Variants in CCDC181 observed in about 807,000 individuals in gnomAD.
CCDC181 encodes the protein coiled-coil domain containing 181.
Under a neutral mutation model 58.7 loss-of-function variants are expected in CCDC181, and 35 were observed. The ratio of observed to expected loss-of-function variants is 0.60; its 90% CI spans 0.46 to 0.79. The LOEUF is 0.79. CCDC181 is among the 30% of genes least tolerant of loss of function. The pLI, the probability that CCDC181 is intolerant of heterozygous loss-of-function variation, is 0.00. For synonymous variants in CCDC181, 183 were observed against 197.5 expected (o/e 0.93, Z 0.62); for missense variants, 517 against 583.9 (o/e 0.89, Z 1.18).
intron 4 of CCDC181, chr1:169,418,701 G>T: frequency 2.8e-6 from 1 of 352,702 alleles, no homozygotes. Context: ...CCAGTCTCTA[G>T]GGTTTTGTGG....
intron 4 of CCDC181, among the ~76,000 whole-genome samples, chr1:169,402,991 A>T (rs1376527149): frequency 2.0e-5 from 3 of 147,788 alleles, no homozygotes; most frequent in Non-Finnish European, 4.5e-5. Flanking sequence ...ACAAAAAAAA[A>T]AAAAAGCAGG....
chr1:169,415,851 T>C (rs1245989583), intron 4 of CCDC181, among the ~76,000 whole-genome samples: 1 of 152,170 alleles, frequency 6.6e-6, no homozygotes, highest in Non-Finnish European at 1.5e-5. Flanking sequence ...GCCACGTATT[T>C]CTATGGCCAT....
intron 4 of CCDC181, among the ~76,000 whole-genome samples, chr1:169,398,442 T>TA (rs1655170518): frequency 6.6e-6 from 1 of 152,196 alleles, no homozygotes; most frequent in African/African-American, 2.4e-5. Flanking sequence ...AAAATATTTT[T>TA]AAAGATTCAA....
intron 2 of CCDC181, chr1:169,442,925 G>A (rs1657273437): frequency 6.6e-6 from 1 of 151,776 alleles, no homozygotes; most frequent in Admixed American, 6.6e-5. Flanking sequence ...TAACAGTTGA[G>A]ACTTTCATTA....
chr1:169,428,503 G>A (rs1283292561), upstream of CCDC181, among the ~76,000 whole-genome samples: 1 of 152,092 alleles, frequency 6.6e-6, no homozygotes, highest in African/African-American at 2.4e-5. Flanking sequence ...GGTGATAGCA[G>A]CTTTTTTTTT....
chr1:169,410,012 C>G (rs1002288103), intron 4 of CCDC181, among the ~76,000 whole-genome samples: 18 of 152,112 alleles, frequency 1.2e-4, no homozygotes, highest in Admixed American at 4.6e-4. Flanking sequence ...ATCATAATGA[C>G]AGGATCAAAT....
At chr1:169,426,757 C>A (rs1440456793) in intron 1 of CCDC181, among the ~76,000 whole-genome samples, 1 of 152,192 alleles carries the variant, frequency 6.6e-6, no homozygotes, top group African/African-American at 2.4e-5. Context: ...ATCCATACAT[C>A]ATGAAACCAT....
At chr1:169,396,926 A>G (rs1655067668) in intron 5 of CCDC181, among the ~76,000 whole-genome samples, 1 of 152,166 alleles carries the variant, frequency 6.6e-6, no homozygotes, top group Admixed American at 6.6e-5. Flanking sequence ...CATTTCTCAC[A>G]GAAATAAGTA....
intron 2 of CCDC181, chr1:169,454,332 T>C (rs1262199156): frequency 6.6e-6 from 1 of 152,108 alleles, no homozygotes; most frequent in African/African-American, 2.4e-5. Flanking sequence ...TGTAAAGTTA[T>C]GTATAGATAA....
intron 2 of CCDC181, among the ~76,000 whole-genome samples, chr1:169,437,658 G>A (rs1177232923): frequency 6.6e-6 from 1 of 152,168 alleles, no homozygotes; most frequent in African/African-American, 2.4e-5. Context: ...GGGCATAGTG[G>A]TGGTAGGTGT....
intron 2 of CCDC181, among the ~76,000 whole-genome samples, chr1:169,439,147 T>C (rs1398336750): frequency 6.6e-6 from 1 of 151,898 alleles, no homozygotes; most frequent in Non-Finnish European, 1.5e-5. Flanking sequence ...CACCCCATGG[T>C]AGAGCTACAG....
chr1:169,427,737 T>A (rs1234728202), upstream of CCDC181, among the ~76,000 whole-genome samples: 1 of 152,258 alleles, frequency 6.6e-6, no homozygotes, highest in Non-Finnish European at 1.5e-5. Context: ...TGCTTCACAG[T>A]TAACGTAGAA....
chr1:169,416,607 G>T (rs1472641104), intron 4 of CCDC181, among the ~76,000 whole-genome samples: 1 of 152,054 alleles, frequency 6.6e-6, no homozygotes, highest in East Asian at 1.9e-4. Context: ...TTTTTAAAAA[G>T]AAATTATACC....
At chr1:169,457,772 T>G (rs958135899) in intron 2 of CCDC181, among the ~76,000 whole-genome samples, 10 of 152,150 alleles carry the variant, frequency 6.6e-5, no homozygotes, top group Non-Finnish European at 1.3e-4. Flanking sequence ...AAAAAGAACA[T>G]AAATATGTAA....
upstream of CCDC181, among the ~76,000 whole-genome samples, chr1:169,431,517 C>G (rs1656918620): frequency 6.6e-6 from 1 of 152,204 alleles, no homozygotes; most frequent in Non-Finnish European, 1.5e-5. Flanking sequence ...GAATCTATCT[C>G]CCCACCTGGA....
chr1:169,456,543 G>GA (rs892517606), intron 2 of CCDC181, among the ~76,000 whole-genome samples: 9 of 152,090 alleles, frequency 5.9e-5, no homozygotes, highest in African/African-American at 1.9e-4. Flanking sequence ...CTGCACTCAT[G>GA]AAAAAATGTG....
chr1:169,421,757 A>G lies in CCDC181; in HGVS notation c.674T>C (p.Phe225Ser). The change falls in exon 3 of 6, where the codon TTT becomes TCT. Residue 225 changes from phenylalanine to serine, a missense_variant. Coordinates refer to ENST00000367806, the MANE Select transcript of CCDC181 (RefSeq NM_001300969.2). ...RTILVERDGKFELLNLQDIAS... is the reference protein window; with the variant it reads ...RTILVERDGKSELLNLQDIAS... Reference sequence around the variant, plus strand: ...AATGTCTTGTAAATTCAGAAGTTCAAATTTTCCATCTCTCTCTACCAGTAT... The same window carrying G: ...AATGTCTTGTAAATTCAGAAGTTCAGATTTTCCATCTCTCTCTACCAGTAT... The G allele has an allele frequency of 6.2e-7, 1 of 1,614,080 alleles. No individual in the cohort carries two copies. The highest frequency in any genetic ancestry group is 8.5e-7 in the Non-Finnish European group (1 of 1,180,010).
intron 2 of CCDC181, among the ~76,000 whole-genome samples, chr1:169,423,830 C>T (rs1373635244): frequency 6.6e-6 from 1 of 151,940 alleles, no homozygotes; most frequent in Non-Finnish European, 1.5e-5. Flanking sequence ...GCATAAAACT[C>T]CCATTTAAAA....
chr1:169,407,594 A>C (rs1269388594), intron 4 of CCDC181, among the ~76,000 whole-genome samples: 2 of 152,244 alleles, frequency 1.3e-5, no homozygotes, highest in Non-Finnish European at 2.9e-5. Context: ...GACAGATTTA[A>C]AAACTATCGA....
Sources: allele counts gnomAD v4.1 joint callset (sites outside exome capture counted in the v4.1 genomes callset), GRCh38; gene constraint gnomAD v4.1.1; transcripts MANE v1.5; gene names NCBI Gene and HGNC (gene_info 2026-07-23, HGNC 2026-07-21).